BICC1: variants seen among roughly 807,000 people sequenced by gnomAD.
The protein encoded by BICC1 is BicC family RNA binding protein 1.
A neutral mutation model predicts 111.0 loss-of-function variants in BICC1; 43 were observed. The ratio of observed to expected loss-of-function variants is 0.39; its 90% CI spans 0.30 to 0.50. The LOEUF is 0.50. BICC1 is among the 20% of genes least tolerant of loss of function. The probability of loss-of-function intolerance (pLI) is 0.88; values close to 1 mark genes in which losing one functional copy is unlikely to be tolerated. For missense variants in BICC1, 1,091 were observed against 1,203.2 expected (o/e 0.91, Z 1.38); for synonymous variants, 467 against 434.4 (o/e 1.07, Z -0.93).
At chr10:58,811,905 C>T (rs766601637) in intron 17 of BICC1, among the ~76,000 whole-genome samples, 4 of 152,058 alleles carry the variant, frequency 2.6e-5, no homozygotes, top group Admixed American at 6.6e-5. Context: ...CAGAACCAGC[C>T]GGTGAGTTCC....
At chr10:58,798,367 G>T (rs375346177) in intron 10 of BICC1, 32 bp from the exon 11 acceptor site, 151 of 1,492,316 alleles carry the variant, frequency 1.0e-4, no homozygotes, top group Middle Eastern at 1.8e-4. Context: ...TTAAATTTAT[G>T]TGAATTGACT....
chr10:58,547,552 G>A (rs1187840591), intron 1 of BICC1, among the ~76,000 whole-genome samples: 1 of 152,156 alleles, frequency 6.6e-6, no homozygotes, highest in Non-Finnish European at 1.5e-5. Context: ...GGCACTGCGT[G>A]CAGCCCATGT....
chr10:58,761,494 C>T (rs1165862340), intron 3 of BICC1, among the ~76,000 whole-genome samples: 1 of 152,096 alleles, frequency 6.6e-6, no homozygotes, highest in Non-Finnish European at 1.5e-5. Context: ...TTGTGATTTC[C>T]CATTTATGTT....
chr10:58,736,071 G>A (rs1166739388), intron 3 of BICC1, among the ~76,000 whole-genome samples: 1 of 152,174 alleles, frequency 6.6e-6, no homozygotes. Context: ...AGAGCAGCAG[G>A]ACAGAGCCCA....
At chr10:58,800,391 G>C in intron 13 of BICC1, 65 bp downstream of exon 13, 1 of 1,493,674 alleles carries the variant, frequency 6.7e-7, no homozygotes, top group South Asian at 1.3e-5. Context: ...GTTGTAGAGA[G>C]TCTATGCAGT....
intron 3 of BICC1, among the ~76,000 whole-genome samples, chr10:58,757,199 C>T (rs2132666133): frequency 6.6e-6 from 1 of 152,298 alleles, no homozygotes; most frequent in Admixed American, 6.5e-5. Context: ...GGCATGAAAT[C>T]AGCCACCTTG....
chr10:58,526,869 A>G (rs554325805), intron 1 of BICC1, among the ~76,000 whole-genome samples: 112 of 152,284 alleles, frequency 7.4e-4, no homozygotes, highest in African/African-American at 2.3e-3. Flanking sequence ...GCTATTGTGA[A>G]TAGTGCCACA....
At chr10:58,651,732 A>C (rs1359691778) in intron 2 of BICC1, among the ~76,000 whole-genome samples, 1 of 152,074 alleles carries the variant, frequency 6.6e-6, no homozygotes. Context: ...TGTGTTTTTA[A>C]AGCTTTAGTC....
chr10:58,789,482 A>T (rs747723883), intron 7 of BICC1, 26 bp downstream of exon 7: 1 of 1,583,272 alleles, frequency 6.3e-7, no homozygotes, highest in East Asian at 2.2e-5. Context: ...AATTCTGCAC[A>T]TCCTATATGT....
chr10:58,828,948 A>G lies in BICC1; in HGVS notation c.*57A>G. On this transcript the variant is annotated 3_prime_UTR_variant, in exon 21 of 21. Transcript: ENST00000373886. ...ACTGTAAAGTGGACACAGGAGATGT[A>G]TGAACAGCCTTCACAGCACACCATC... 6.2e-7 allele frequency: 1 copy of G among 1,603,968 alleles called. No homozygotes were observed. The highest frequency in any genetic ancestry group is 2.2e-5 in the East Asian group (1 of 44,650).
At position 58,803,170 on chromosome 10, in the gene BICC1, G is replaced by A; in HGVS notation, c.2109G>A (p.Glu703=). The change falls in exon 15 of 21, where the codon GAG becomes GAA. Residue 703 remains glutamate, a synonymous_variant. Coordinates refer to ENST00000373886, the MANE Select transcript of BICC1 (RefSeq NM_001080512.3). Reference sequence around the variant, plus strand: ...CTCCAGGGAGTGAGCGCGCTGCAGAGAGGGCAGCAGCTGCCCAGCAAAACT... The same window carrying A: ...CTCCAGGGAGTGAGCGCGCTGCAGAAAGGGCAGCAGCTGCCCAGCAAAACT... ...KKAPGSERAA[E]RAAAAQQNSE... The A allele has an allele frequency of 1.9e-6, 3 of 1,611,546 alleles. No individual in the cohort carries two copies. The highest frequency in any genetic ancestry group is 4.5e-5 in the East Asian group (2 of 44,798).
At chr10:58,681,751 G>T (rs888224709) in intron 2 of BICC1, among the ~76,000 whole-genome samples, 9 of 152,158 alleles carry the variant, frequency 5.9e-5, no homozygotes, top group African/African-American at 2.2e-4. Flanking sequence ...TCCAGAGTTT[G>T]TTCCTTCAGA....
At position 58,691,245 on chromosome 10, in the gene BICC1, A is replaced by T. The variant is rs146826601; in HGVS notation, c.238-10829A>T. ...GCTTTACAGTAGATCTCTAGGAATT[A>T]TTTGTGTTGTCCAAATTATACACTG... On this transcript the variant is annotated intron_variant, in intron 2 of 20. Coordinates refer to ENST00000373886, the MANE Select transcript of BICC1 (RefSeq NM_001080512.3). Among the ~76,000 whole-genome samples, 874 of 152,240 alleles carry T rather than the reference A, an allele frequency of 5.7e-3. 9 individuals carry two copies. The highest frequency in any genetic ancestry group is 0.02 in the African/African-American group (848 of 41,542).
At chr10:58,580,215 G>C (rs1354191095) in intron 1 of BICC1, among the ~76,000 whole-genome samples, 1 of 151,842 alleles carries the variant, frequency 6.6e-6, no homozygotes, top group African/African-American at 2.4e-5. Flanking sequence ...GTAGAGACAG[G>C]GTTTCACCAT....
At chr10:58,814,620 A>T (rs1315751609) in intron 18 of BICC1, among the ~76,000 whole-genome samples, 1 of 13,842 alleles carries the variant, frequency 7.2e-5, no homozygotes, top group African/African-American at 2.1e-4. Flanking sequence ...ATCTCTACTA[A>T]AAAAAAAAAA....
intron 3 of BICC1, among the ~76,000 whole-genome samples, chr10:58,744,048 G>A (rs1841754105): frequency 6.6e-6 from 1 of 152,084 alleles, no homozygotes; most frequent in Admixed American, 6.6e-5. Context: ...GGCAGAAGAA[G>A]TTAGCTTATT....
rs190277265 is a variant in BICC1 at position 58,683,371 on chromosome 10, T to G, written c.238-18703T>G. On this transcript the variant is annotated intron_variant, in intron 2 of 20. Coordinates refer to ENST00000373886, the MANE Select transcript of BICC1 (RefSeq NM_001080512.3). The stretch of plus-strand genomic sequence containing the variant: ...GGATTGTCTTGGCAATGCGGGCTCT[T>G]TTTTGGATCCATATGAACTTTAAAG... 3.1e-3 allele frequency among the ~76,000 whole-genome samples: 476 copies of G among 152,324 alleles called. 4 individuals carry two copies. Among genetic ancestry groups the G allele is most frequent in the African/African-American group, 0.011 (442 of 41,584 alleles).
chr10:58,537,344 GA>G (rs1842851005), intron 1 of BICC1, among the ~76,000 whole-genome samples: 1 of 109,926 alleles, frequency 9.1e-6, no homozygotes, highest in East Asian at 2.6e-4. Context: ...GAATGAACTA[GA>G]ACAAAAAAAA....
In BICC1 at chr10:58,512,889, C is replaced by T. The variant is rs528024619; in HGVS notation, c.-255C>T. 6.8e-6 allele frequency among the ~76,000 whole-genome samples: 1 copy of T among 147,686 alleles called. No individual in the cohort carries two copies. Among genetic ancestry groups the T allele is most frequent in the Non-Finnish European group, 1.5e-5 (1 of 66,228 alleles). On this transcript the variant is annotated 5_prime_UTR_variant, in exon 1 of 21. Transcript: ENST00000373886. ...GCGCGCTCATTCCGCGCGGGCGTTG[C>T]TGGCGGGGGGCGGCGCAGCCACTGG...
Sources: gnomAD v4.1 joint callset for allele counts (sites outside exome capture counted in the v4.1 genomes callset) on GRCh38, gnomAD v4.1.1 for gene constraint, MANE v1.5 for transcripts, NCBI Gene and HGNC (gene_info 2026-07-23, HGNC 2026-07-21) for gene names.